Variants in TNS2 observed in about 807,000 individuals in gnomAD.
TNS2 encodes tensin-2.
Under a neutral mutation model 155.7 loss-of-function variants are expected in TNS2, and 77 were observed. The ratio of observed to expected loss-of-function variants is 0.49; its 90% CI spans 0.41 to 0.60. The LOEUF (loss-of-function observed/expected upper bound fraction) is 0.60. TNS2 is among the 20% of genes least tolerant of loss of function. The pLI, the probability that TNS2 is intolerant of heterozygous loss-of-function variation, is 0.00. For missense variants in TNS2, 1,703 were observed against 1,868.8 expected (o/e 0.91, Z 1.64); for synonymous variants, 726 against 763.9 (o/e 0.95, Z 0.82).
chr12:53,053,661 A>G, intron 4 of TNS2, 113 bp from the exon 5 acceptor site: 1 of 1,504,688 alleles, frequency 6.6e-7, no homozygotes, highest in Non-Finnish European at 9.0e-7. Flanking sequence ...CCCCTTATCC[A>G]GTACAGCCTT....
chr12:53,050,778 C>T lies in TNS2; in HGVS notation c.75+518C>T, dbSNP rs1454165617. 3.3e-5 allele frequency among the ~76,000 whole-genome samples: 5 copies of T among 152,164 alleles called. No homozygotes were observed. The East Asian group carries it at 5.8e-4, about 18-fold the overall frequency. On this transcript the variant is annotated intron_variant, in intron 1 of 28. Transcript: ENST00000314250. This position sits in a 1 kb window ranked among gnomAD's most constrained non-coding sequence, Gnocchi z 4.7. ...CTTAGTGGGTCCCACAAAGTTGATC[C>T]AGCCCAGAAGAGTTGCAGGGACAGT... is the stretch of plus-strand genomic sequence containing the variant.
chr12:53,052,668 C>T (rs1263625907), intron 3 of TNS2, among the ~76,000 whole-genome samples, 176 bp downstream of exon 3: 1 of 151,990 alleles, frequency 6.6e-6, no homozygotes, highest in African/African-American at 2.4e-5. Context: ...CACCCTACTC[C>T]GCCTTCTGGA....
At chr12:53,057,921 C>T in intron 13 of TNS2, 88 bp downstream of exon 13, 1 of 1,607,308 alleles carries the variant, frequency 6.2e-7, no homozygotes. Context: ...TCCCTAGACA[C>T]CTGGGCAGGG....
chr12:53,062,078 G>A lies in TNS2; in HGVS notation c.3575-75G>A, dbSNP rs1944400882. ...AGGTAGGAAAAGACCTCAGCTGCTC[G>A]GGAAAGAATCCCATTAGGGAAGAAG... is the stretch of plus-strand genomic sequence containing the variant. On this transcript the variant is annotated intron_variant, in intron 22 of 28. Transcript: ENST00000314250. 53 of 1,611,178 alleles carry A rather than the reference G, an allele frequency of 3.3e-5. No homozygotes were observed. The South Asian group carries it at 3.8e-4, about 12-fold the overall frequency.
Position 53,060,972 on chromosome 12 carries a change from C to A in TNS2, c.3066C>A (p.Gly1022=), listed in dbSNP as rs376940195. ...ACGCCCCCTGGCAAGGCCCTCGAGGCCCCCCCGACAGCCCAGATGGGTCTC... is the reference window on the plus strand; with the variant it reads ...ACGCCCCCTGGCAAGGCCCTCGAGGACCCCCCGACAGCCCAGATGGGTCTC... ...LRHAPWQGPR[G]PPDSPDGSPL... is the part of the protein sequence containing the mutation. The change falls in exon 20 of 29, where the codon GGC becomes GGA. Residue 1022 remains glycine, a synonymous_variant. Coordinates refer to ENST00000314250, the MANE Select transcript of TNS2 (RefSeq NM_170754.4). The surrounding 1 kb of genome is among the most constrained non-coding windows in gnomAD (Gnocchi z 6.1). The A allele has an allele frequency of 6.2e-7, 1 of 1,606,060 alleles. No individual in the cohort carries two copies. Among genetic ancestry groups the A allele is most frequent in the East Asian group, 2.2e-5 (1 of 44,500 alleles).
At chr12:53,053,237 G>A (rs1944007007) in intron 3 of TNS2, 174 bp from the exon 4 acceptor site, 6 of 704,928 alleles carry the variant, frequency 8.5e-6, no homozygotes, top group Non-Finnish European at 1.5e-5. Context: ...CTGGGGGGTG[G>A]GGGACCAAGA....
At chr12:53,047,251 C>T (rs1162082386), upstream of TNS2, among the ~76,000 whole-genome samples, 3 of 145,328 alleles carry the variant, frequency 2.1e-5, no homozygotes, top group Non-Finnish European at 4.6e-5. Flanking sequence ...GCTCCCGCCA[C>T]TGCCACCGCC....
upstream of TNS2, chr12:53,048,896 G>A: frequency 2.9e-6 from 1 of 342,670 alleles, no homozygotes; most frequent in Admixed American, 5.1e-5. Flanking sequence ...TGGGGGAGTT[G>A]CCTGAGTACT....
In TNS2 at chr12:53,061,915, G is replaced by A. The variant is rs1388083014; in HGVS notation, c.3549G>A (p.Pro1183=). 21 of 1,612,822 alleles carry A rather than the reference G, an allele frequency of 1.3e-5. No individual in the cohort carries two copies. The highest frequency in any genetic ancestry group is 1.6e-5 in the Non-Finnish European group (19 of 1,179,700). ...GGCTGGCCCTCAAGGTGGCCACACC[G>A]CCACCCAGTGCCCAGCCCTGGAAAG... The part of the protein sequence containing the change: ...AYGLALKVAT[P]PPSAQPWKGD... The change falls in exon 22 of 29, where the codon CCG becomes CCA. Residue 1183 remains proline, a synonymous_variant. Transcript: ENST00000314250.
intron 21 of TNS2, 132 bp from the exon 22 acceptor site, chr12:53,061,683 C>A: frequency 6.7e-7 from 1 of 1,483,920 alleles, no homozygotes; most frequent in Non-Finnish European, 9.1e-7. Context: ...GCCCTGGCCT[C>A]AGACTCTTAC....
chr12:53,054,065 C>T (rs771116233), intron 6 of TNS2, 51 bp downstream of exon 6: 9 of 1,611,758 alleles, frequency 5.6e-6, no homozygotes, highest in Non-Finnish European at 6.8e-6. Context: ...CCGCCGGCCC[C>T]ACACCTCAGC....
At position 53,061,801 on chromosome 12, in the gene TNS2, C is replaced by A; in HGVS notation, c.3449-14C>A. ...AAAACTCCTCCCCACTGCCCGCTAC[C>A]CCTCACCCTGCAGCCATTGCCCTGC... On this transcript the variant is annotated splice_polypyrimidine_tract_variant and intron_variant, in intron 21 of 28. Coordinates refer to ENST00000314250, the MANE Select transcript of TNS2 (RefSeq NM_170754.4). 4 of 1,609,042 alleles carry A rather than the reference C, an allele frequency of 2.5e-6. No homozygotes were observed. The highest frequency in any genetic ancestry group is 3.4e-6 in the Non-Finnish European group (4 of 1,177,470).
Position 53,064,175 on chromosome 12 carries a change from G to A in TNS2, c.*293G>A, listed in dbSNP as rs1944472892. ...CGAAGGAGATCAGGCAGCCCCACCT[G>A]CAGGAGAACGTCAGCCCTCCAGGGG... On this transcript the variant is annotated 3_prime_UTR_variant, in exon 29 of 29. Coordinates refer to ENST00000314250, the MANE Select transcript of TNS2 (RefSeq NM_170754.4). The A allele has an allele frequency of 5.4e-6, 2 of 373,076 alleles. No individual in the cohort carries two copies. Among genetic ancestry groups the A allele is most frequent in the Non-Finnish European group, 4.9e-6 (1 of 203,712 alleles). 23.1% of individuals were successfully genotyped at this position (373,076 alleles called of 1,614,324 possible). A position where few individuals can be genotyped will look rare whatever the true frequency, so the allele number is the denominator to read the frequency against.
rs778444035 is a variant in TNS2, at chr12:53,058,892, G to A, written c.1405+65G>A. 8 of 1,586,746 alleles carry A rather than the reference G, an allele frequency of 5.0e-6. No individual in the cohort carries two copies. In the East Asian group the frequency reaches 1.1e-4, roughly 22 times the overall value. On this transcript the variant is annotated intron_variant, in intron 17 of 28. Transcript: ENST00000314250. ...GGCGGGACCCTGGGGGGTGGTGCCA[G>A]GGAGAAGCACACTCCCTCCTCCCCA... is the stretch of plus-strand genomic sequence containing the variant.
chr12:53,063,529 G>A lies in TNS2; in HGVS notation c.4062-34G>A. 3 of 1,613,632 alleles carry A rather than the reference G, an allele frequency of 1.9e-6. No individual in the cohort carries two copies. The highest frequency in any genetic ancestry group is 2.5e-6 in the Non-Finnish European group (3 of 1,179,886). Reference sequence around the variant, plus strand: ...GCCCCCCTTCAGCAGCTGTCCCCTGGGGTGTGCATCTTCACCTTCTTCTCC... The same window carrying A: ...GCCCCCCTTCAGCAGCTGTCCCCTGAGGTGTGCATCTTCACCTTCTTCTCC... On this transcript the variant is annotated intron_variant, in intron 27 of 28. Transcript: ENST00000314250. This position sits in a 1 kb window ranked among gnomAD's most constrained non-coding sequence, Gnocchi z 5.6.
intron 1 of TNS2, 70 bp from the exon 2 acceptor site, chr12:53,051,784 TC>T (rs1439779865): frequency 3.2e-6 from 4 of 1,238,502 alleles, no homozygotes; most frequent in Non-Finnish European, 4.7e-6. Context: ...AAGGCAAGGC[TC>T]CTGCCCAGTC....
In TNS2 at chr12:53,060,137, C is replaced by T. The variant is rs745677737; in HGVS notation, c.2496C>T (p.Ser832=). 1.2e-6 allele frequency: 2 copies of T among 1,610,326 alleles called. No homozygotes were observed. The highest frequency in any genetic ancestry group is 3.3e-5 in the Admixed American group (2 of 59,854). Residue 832 remains serine, a synonymous_variant, in exon 18 of 29, where the codon TCC becomes TCT. Coordinates refer to ENST00000314250, the MANE Select transcript of TNS2 (RefSeq NM_170754.4). The surrounding 1 kb of genome is among the most constrained non-coding windows in gnomAD (Gnocchi z 6.1). ...ACTCCCCACGGGCTGGCTCCATTTC[C>T]CCGGGCAGCCCGCCCTATCCACAAT... ...GAHSPRAGSI[S]PGSPPYPQSR... is the part of the protein sequence containing the mutation.
Position 53,059,566 on chromosome 12 carries a change from G to A in TNS2, c.1925G>A (p.Arg642His), listed in dbSNP as rs770327671. 80 of 1,598,038 alleles carry A rather than the reference G, an allele frequency of 5.0e-5. No homozygotes were observed. The highest frequency in any genetic ancestry group is 1.7e-4 in the Middle Eastern group (1 of 5,990). The change falls in exon 18 of 29, where the codon CGC becomes CAC. Residue 642 changes from arginine to histidine, a missense_variant. Transcript: ENST00000314250. This position sits in a 1 kb window ranked among gnomAD's most constrained non-coding sequence, Gnocchi z 4.7. The stretch of plus-strand genomic sequence containing the variant: ...GCCGAGGCCTCGATGGAGAAGAGGC[G>A]CCTCTGCCGATCGCTGTCAGAGGGG... ...GYAEASMEKRRLCRSLSEGLY... is the reference protein window; with the variant it reads ...GYAEASMEKRHLCRSLSEGLY...
chr12:53,050,378 C>T lies in TNS2; in HGVS notation c.75+118C>T. ...CAATTTCAGCTTCCTCAGCCTTCTT[C>T]CCTGGCCCAGCATCCCCTCCGGAGT... On this transcript the variant is annotated intron_variant, in intron 1 of 28. Transcript: ENST00000314250. The surrounding 1 kb of genome is among the most constrained non-coding windows in gnomAD (Gnocchi z 4.7). 5.7e-6 allele frequency: 7 copies of T among 1,229,672 alleles called. No homozygotes were observed. The highest frequency in any genetic ancestry group is 1.5e-5 in the African/African-American group (1 of 66,028). 76.2% of individuals were successfully genotyped at this position (1,229,672 alleles called of 1,614,324 possible). A position where few individuals can be genotyped will look rare whatever the true frequency, so the allele number is the denominator to read the frequency against.
Sources: gnomAD v4.1 joint callset for allele counts (sites outside exome capture counted in the v4.1 genomes callset) on GRCh38, gnomAD v4.1.1 for gene constraint, Gnocchi (gnomAD v3.1) non-coding constraint, MANE v1.5 for transcripts, NCBI Gene and HGNC (gene_info 2026-07-23, HGNC 2026-07-21) for gene names.